The following SVIL variants were observed in gnomAD, a reference collection of about 807,000 sequenced individuals.
SVIL encodes archvillin.
Under a neutral mutation model 240.4 loss-of-function variants are expected in SVIL, and 101 were observed. The ratio of observed to expected loss-of-function variants is 0.42; its 90% confidence interval spans 0.36 to 0.50. The LOEUF (loss-of-function observed/expected upper bound fraction) is 0.50, where lower values mean the gene tolerates loss of function less well. SVIL is among the 20% of genes least tolerant of loss of function. The pLI, the probability that SVIL is intolerant of heterozygous loss-of-function variation, is 0.01. For missense variants in SVIL, 2,512 were observed against 2,818.7 expected, an observed-to-expected ratio of 0.89 and a Z score of 2.46; for synonymous variants, 999 against 1,100.0, an observed-to-expected ratio of 0.91 and a Z score of 1.82.
intron 1 of SVIL, among the ~76,000 whole-genome samples, chr10:29,586,101 A>G (rs1388453200): frequency 6.6e-6 from 1 of 152,224 alleles, no homozygotes; most frequent in Non-Finnish European, 1.5e-5. Context: ...AGATGGATTC[A>G]GCCTTACAGG....
At chr10:29,655,890 T>TTTTC (rs1376302422) in intron 3 of SVIL, among the ~76,000 whole-genome samples, 1 of 143,316 alleles carries the variant, frequency 7.0e-6, no homozygotes, top group Non-Finnish European at 1.5e-5. Flanking sequence ...TTTTTTTTTT[T>TTTTC]CTGTTTCTTT....
intron 3 of SVIL, among the ~76,000 whole-genome samples, chr10:29,557,759 AAC>A (rs1954072063): frequency 6.6e-6 from 1 of 152,168 alleles, no homozygotes; most frequent in Admixed American, 6.5e-5. Context: ...CCTTCCAGTG[AAC>A]ACTGCCCTCT....
chr10:29,579,887 G>A (rs1005687199), intron 1 of SVIL, among the ~76,000 whole-genome samples: 5 of 151,986 alleles, frequency 3.3e-5, no homozygotes, highest in African/African-American at 1.2e-4. Context: ...TCATCACTGG[G>A]GGGCGGATGC....
chr10:29,627,856 A>C (rs1257997962), intron 1 of SVIL, among the ~76,000 whole-genome samples: 2 of 152,238 alleles, frequency 1.3e-5, no homozygotes, highest in Non-Finnish European at 2.9e-5. Context: ...CCAATAAAAA[A>C]TGTATGAAAT....
At chr10:29,696,812 G>A (rs1195050332) in intron 1 of SVIL, among the ~76,000 whole-genome samples, 1 of 150,772 alleles carries the variant, frequency 6.6e-6, no homozygotes, top group Non-Finnish European at 1.5e-5. Context: ...CCCCGTCCGG[G>A]AGGGAGGTGG....
intron 1 of SVIL, among the ~76,000 whole-genome samples, chr10:29,612,035 G>A (rs1461836544): frequency 6.6e-6 from 1 of 152,060 alleles, no homozygotes; most frequent in East Asian, 1.9e-4. Context: ...GAAATATTCT[G>A]CCTGCCCTAG....
chr10:29,611,616 G>C (rs184357543), intron 1 of SVIL, among the ~76,000 whole-genome samples: 1 of 152,320 alleles, frequency 6.6e-6, no homozygotes, highest in Non-Finnish European at 1.5e-5. Flanking sequence ...CAAAGGTAAA[G>C]AAGTCTGAAT....
Position 29,522,592 on chromosome 10 carries a change from A to C in SVIL, c.3207T>G (p.Ala1069=), listed in dbSNP as rs750515953. 3.7e-6 allele frequency: 6 copies of C among 1,614,182 alleles called. No homozygotes were observed. The East Asian group carries it at 1.3e-4, about 36-fold the overall frequency. The part of the protein sequence containing the change: ...GEPTSEQTGT[A]AGKTIAQTTA... ...TGGTTTGAGCAATAGTTTTCCCAGCAGCTGTCCCCGTCTGCTCGGAAGTGG... is the reference window on the plus strand; with the variant it reads ...TGGTTTGAGCAATAGTTTTCCCAGCCGCTGTCCCCGTCTGCTCGGAAGTGG... The change falls in exon 16 of 38, where the codon GCT becomes GCG. Residue 1069 remains alanine, a synonymous_variant. Transcript: ENST00000355867.
intron 1 of SVIL, among the ~76,000 whole-genome samples, chr10:29,711,131 G>A (rs181249239): frequency 3.2e-4 from 48 of 152,326 alleles, no homozygotes; most frequent in African/African-American, 1.2e-3. Context: ...CCAGAATGGC[G>A]ACTCATGCCT....
chr10:29,731,081 A>G (rs1964592821), intron 1 of SVIL, among the ~76,000 whole-genome samples: 1 of 152,234 alleles, frequency 6.6e-6, no homozygotes, highest in African/African-American at 2.4e-5. Flanking sequence ...TCTTACTGGC[A>G]CATCAACTTG....
chr10:29,647,971 CA>C (rs3030628), intron 3 of SVIL, among the ~76,000 whole-genome samples: 30,484 of 96,022 alleles, frequency 0.32, 2,832 homozygotes, highest in East Asian at 0.41. Flanking sequence ...TTGTCAATAT[CA>C]AAAAAAAAAA....
intron 35 of SVIL, 47 bp downstream of exon 35, chr10:29,463,445 G>T (rs1485036717): frequency 6.3e-7 from 1 of 1,587,918 alleles, no homozygotes. Flanking sequence ...TGCCTGAGGG[G>T]CTTCCCCATC....
chr10:29,627,156 G>A, intron 1 of SVIL, among the ~76,000 whole-genome samples: 1 of 152,206 alleles, frequency 6.6e-6, no homozygotes, highest in East Asian at 1.9e-4. Flanking sequence ...CAAGGACAGT[G>A]AGAGGACTTT....
At chr10:29,525,808 AC>A (rs778050058) in intron 13 of SVIL, among the ~76,000 whole-genome samples, 8 of 152,118 alleles carry the variant, frequency 5.3e-5, no homozygotes, top group Non-Finnish European at 1.0e-4. Context: ...TCCCCAATGC[AC>A]AGGCTATCCC....
chr10:29,526,465 C>A (rs1018212800), intron 13 of SVIL, among the ~76,000 whole-genome samples: 11 of 151,970 alleles, frequency 7.2e-5, no homozygotes, highest in African/African-American at 2.4e-4. Flanking sequence ...CCACCATGCC[C>A]AGCTAATTTT....
At position 29,533,257 on chromosome 10, in the gene SVIL, G is replaced by A. The variant is rs755075820; in HGVS notation, c.1110C>T (p.Pro370=). The A allele has an allele frequency of 1.1e-5, 18 of 1,613,946 alleles. No homozygotes were observed. Among genetic ancestry groups the A allele is most frequent in the Admixed American group, 1.7e-5 (1 of 59,994 alleles). ...TRQPIRGYVQ[P]ADTGHTAKLV... ...GCTTGGCGGTGTGACCGGTATCTGC[G>A]GGTTGGACATAGCCACGGATTGGCT... The change falls in exon 8 of 38, where the codon CCC becomes CCT. Residue 370 remains proline, a synonymous_variant. Transcript: ENST00000355867.
intron 6 of SVIL, among the ~76,000 whole-genome samples, chr10:29,546,298 A>G (rs1401682740): frequency 6.6e-6 from 1 of 152,202 alleles, no homozygotes; most frequent in Non-Finnish European, 1.5e-5. Flanking sequence ...CAGGTTTGTA[A>G]CAGTTAGAGA....
intron 1 of SVIL, among the ~76,000 whole-genome samples, chr10:29,692,979 G>A (rs887370816): frequency 4.6e-5 from 7 of 152,124 alleles, no homozygotes; most frequent in African/African-American, 1.4e-4. Context: ...GGAACGCTAA[G>A]CTTGTGGGAG....
chr10:29,693,346 G>A (rs545542584), intron 1 of SVIL, among the ~76,000 whole-genome samples: 1 of 152,040 alleles, frequency 6.6e-6, no homozygotes, highest in East Asian at 1.9e-4. Context: ...GGCAAGGAGA[G>A]AAGAGGAAGG....
Sources: gnomAD v4.1 joint callset for allele counts (sites outside exome capture counted in the v4.1 genomes callset) on GRCh38, gnomAD v4.1.1 for gene constraint, MANE v1.5 for transcripts, NCBI Gene and HGNC (gene_info 2026-07-23, HGNC 2026-07-21) for gene names.